ADAMTS2: variants seen among roughly 807,000 people sequenced by gnomAD.
The protein encoded by ADAMTS2 is A disintegrin and metalloproteinase with thrombospondin motifs 2.
In ADAMTS2, 50 loss-of-function variants were observed where a neutral mutation model predicts 123.0. That is an observed-to-expected ratio of 0.41 (90% CI 0.32 to 0.51). ADAMTS2 has a LOEUF of 0.51. Among genes scored for constraint, ADAMTS2 ranks in the 20% least tolerant of loss-of-function variants. The pLI, the probability that ADAMTS2 is intolerant of heterozygous loss-of-function variation, is 0.35. For synonymous variants in ADAMTS2, 678 were observed against 695.4 expected (o/e 0.98, Z 0.39); for missense variants, 1,494 against 1,705.2 (o/e 0.88, Z 2.18).
At chr5:179,321,595 T>C (rs1385747052) in intron 2 of ADAMTS2, among the ~76,000 whole-genome samples, 2 of 152,018 alleles carry the variant, frequency 1.3e-5, no homozygotes, top group Non-Finnish European at 2.9e-5. Flanking sequence ...CAAGGAGCAC[T>C]TCCTTCCCCT....
Position 179,307,465 on chromosome 5 carries a change from T to A in ADAMTS2, c.535-34401A>T, listed in dbSNP as rs1479075727. Among the ~76,000 whole-genome samples the A allele has an allele frequency of 6.6e-6, 1 of 152,110 alleles. No homozygotes were observed. Among genetic ancestry groups the A allele is most frequent in the Admixed American group, 6.5e-5 (1 of 15,278 alleles). On this transcript the variant is annotated intron_variant, in intron 2 of 21. Coordinates refer to ENST00000251582, the MANE Select transcript of ADAMTS2 (RefSeq NM_014244.5). The surrounding 1 kb of genome is among the most constrained non-coding windows in gnomAD (Gnocchi z 5.6). ...CACGCAGGGGCTTCCCGGGTCATGCTGCACCATCCACTAATAGCACCATCA... is the reference window on the plus strand; with the variant it reads ...CACGCAGGGGCTTCCCGGGTCATGCAGCACCATCCACTAATAGCACCATCA...
intron 3 of ADAMTS2, among the ~76,000 whole-genome samples, chr5:179,267,597 C>A (rs767252081): frequency 6.6e-6 from 1 of 152,204 alleles, no homozygotes; most frequent in Admixed American, 6.5e-5. Flanking sequence ...GGGGCGAGCC[C>A]CAGGAGAGCA....
At chr5:179,211,901 A>G (rs1352446487) in intron 3 of ADAMTS2, among the ~76,000 whole-genome samples, 1 of 152,192 alleles carries the variant, frequency 6.6e-6, no homozygotes, top group Non-Finnish European at 1.5e-5. Flanking sequence ...GAGGCGTGTC[A>G]CCATCAGCAT....
At chr5:179,343,247 C>G (rs1465195413) in intron 2 of ADAMTS2, among the ~76,000 whole-genome samples, 1 of 152,228 alleles carries the variant, frequency 6.6e-6, no homozygotes, top group Non-Finnish European at 1.5e-5. Context: ...ATAAGTCCAC[C>G]ACACACATAT....
intron 3 of ADAMTS2, among the ~76,000 whole-genome samples, chr5:179,239,597 G>A (rs932451268): frequency 5.9e-5 from 9 of 152,132 alleles, no homozygotes; most frequent in Admixed American, 4.6e-4. Flanking sequence ...AAGGTGGAGG[G>A]GCAGTTGGAA....
At chr5:179,232,153 C>G (rs1159808372) in intron 3 of ADAMTS2, among the ~76,000 whole-genome samples, 2 of 152,206 alleles carry the variant, frequency 1.3e-5, no homozygotes, top group Non-Finnish European at 2.9e-5. Context: ...TTGGTGCCCT[C>G]TCGACACTTG....
rs1407602430 is a variant in ADAMTS2, at chr5:179,312,625, G to A, written c.534+31142C>T. 6.6e-6 allele frequency among the ~76,000 whole-genome samples: 1 copy of A among 152,248 alleles called. No individual in the cohort carries two copies. The highest frequency in any genetic ancestry group is 1.5e-5 in the Non-Finnish European group (1 of 68,048). ...ATCACACTTCTCTTTATCAGAGGAA[G>A]GCAGAGCAAGATGAGCCAGGCAGAG... On this transcript the variant is annotated intron_variant, in intron 2 of 21. Coordinates refer to ENST00000251582, the MANE Select transcript of ADAMTS2 (RefSeq NM_014244.5). This position sits in a 1 kb window ranked among gnomAD's most constrained non-coding sequence, Gnocchi z 4.2.
chr5:179,264,753 T>G (rs1248963995), intron 3 of ADAMTS2, among the ~76,000 whole-genome samples: 1 of 152,134 alleles, frequency 6.6e-6, no homozygotes, highest in Non-Finnish European at 1.5e-5. Context: ...CCTGCGTAAT[T>G]CCAGCAGCCC....
At chr5:179,136,927 G>A (rs949387625) in intron 12 of ADAMTS2, among the ~76,000 whole-genome samples, 18 of 150,360 alleles carry the variant, frequency 1.2e-4, no homozygotes, top group African/African-American at 3.9e-4. Flanking sequence ...CAGAGATCAC[G>A]CCACTGCACT....
intron 2 of ADAMTS2, among the ~76,000 whole-genome samples, chr5:179,328,254 G>C (rs1041398184): frequency 6.6e-6 from 1 of 152,176 alleles, no homozygotes; most frequent in Non-Finnish European, 1.5e-5. Flanking sequence ...GGATGGTCTC[G>C]ATTTCCTGAC....
At position 179,132,082 on chromosome 5, in the gene ADAMTS2, G is replaced by A; in HGVS notation, c.2290+148C>T. On this transcript the variant is annotated intron_variant, in intron 15 of 21. Coordinates refer to ENST00000251582, the MANE Select transcript of ADAMTS2 (RefSeq NM_014244.5). The surrounding 1 kb of genome is among the most constrained non-coding windows in gnomAD (Gnocchi z 6.1). ...CTGGGAAAGGGCCCAGGTGGGCTGAGCAGAGGGACAGGTTGGGGAGGGGCT... is the reference window on the plus strand; with the variant it reads ...CTGGGAAAGGGCCCAGGTGGGCTGAACAGAGGGACAGGTTGGGGAGGGGCT... 2 of 776,044 alleles carry A rather than the reference G, an allele frequency of 2.6e-6. No individual in the cohort carries two copies. Among genetic ancestry groups the A allele is most frequent in the South Asian group, 3.0e-5 (2 of 65,956 alleles). 48.1% of individuals were successfully genotyped at this position (776,044 alleles called of 1,614,324 possible).
intron 3 of ADAMTS2, among the ~76,000 whole-genome samples, chr5:179,243,273 C>A (rs1464378106): frequency 6.6e-6 from 1 of 152,068 alleles, no homozygotes; most frequent in Admixed American, 6.5e-5. Context: ...AACTATGTGA[C>A]AATTTATGTC....
intron 2 of ADAMTS2, among the ~76,000 whole-genome samples, chr5:179,310,536 C>T (rs1027721992): frequency 1.3e-5 from 2 of 152,136 alleles, no homozygotes; most frequent in African/African-American, 4.8e-5. Context: ...CGTCTCTGGG[C>T]CACCCACCGG....
At chr5:179,196,499 G>C (rs116754951) in intron 4 of ADAMTS2, among the ~76,000 whole-genome samples, 2 of 152,168 alleles carry the variant, frequency 1.3e-5, no homozygotes, top group Non-Finnish European at 2.9e-5. Flanking sequence ...CTGCTCTGCC[G>C]TTCTACAGCG....
In ADAMTS2 at chr5:179,224,880, C is replaced by T. The variant is rs79627611; in HGVS notation, c.689-17165G>A. The stretch of plus-strand genomic sequence containing the variant: ...AGGTCTGTCTGCCACCTCGGCTCCA[C>T]GCCCTGAGCAACCGTTTCCCTGTAT... On this transcript the variant is annotated intron_variant, in intron 3 of 21. Transcript: ENST00000251582. 6.8e-3 allele frequency among the ~76,000 whole-genome samples: 1,038 copies of T among 152,156 alleles called. 27 individuals are homozygous for T. In the East Asian group the frequency reaches 0.11, roughly 17 times the overall value.
chr5:179,271,800 C>T (rs1269225746), intron 3 of ADAMTS2, among the ~76,000 whole-genome samples: 1 of 152,244 alleles, frequency 6.6e-6, no homozygotes, highest in Non-Finnish European at 1.5e-5. Flanking sequence ...AGTATGCCTG[C>T]CAGGCTGTAC....
At chr5:179,229,634 GC>G (rs1274721291) in intron 3 of ADAMTS2, among the ~76,000 whole-genome samples, 1 of 152,248 alleles carries the variant, frequency 6.6e-6, no homozygotes. Context: ...CCAAGGCCCA[GC>G]CCCGCAGGAA....
chr5:179,168,064 TG>T (rs1009540749), intron 5 of ADAMTS2, among the ~76,000 whole-genome samples: 3 of 152,184 alleles, frequency 2.0e-5, no homozygotes, highest in African/African-American at 7.2e-5. Context: ...GCAGGGAGGT[TG>T]GGTTCTGGTG....
At chr5:179,142,496 CT>C (rs1329050138) in intron 10 of ADAMTS2, among the ~76,000 whole-genome samples, 1 of 152,168 alleles carries the variant, frequency 6.6e-6, no homozygotes, top group Non-Finnish European at 1.5e-5. Context: ...GTAGAGCAAG[CT>C]ATATACCCCA....
Sources: allele counts gnomAD v4.1 joint callset (sites outside exome capture counted in the v4.1 genomes callset), GRCh38; gene constraint gnomAD v4.1.1; non-coding constraint Gnocchi (gnomAD v3.1); transcripts MANE v1.5; gene names NCBI Gene and HGNC (gene_info 2026-07-23, HGNC 2026-07-21).